The following FAAH2 variants were observed in gnomAD, a reference collection of about 807,000 sequenced individuals.
FAAH2 encodes the protein fatty-acid amide hydrolase 2.
A neutral mutation model predicts 36.9 loss-of-function variants in FAAH2; 60 were observed. That is an observed-to-expected ratio of 1.63 (90% confidence interval 1.32 to 2.02). The LOEUF (loss-of-function observed/expected upper bound fraction) is 2.02. Among genes scored for constraint, FAAH2 ranks in the 30% most tolerant of loss-of-function variants. The pLI is 0.00. For missense variants in FAAH2, 689 were observed against 397.5 expected (o/e 1.73, Z -6.23); for synonymous variants, 214 against 143.8 (o/e 1.49, Z -3.49).
chrX:57,223,135 G>A, the FAAH2 span, among the ~76,000 whole-genome samples: 45 of 112,236 alleles, frequency 4.0e-4, no homozygotes, highest in Middle Eastern at 4.6e-3. Flanking sequence ...TGCCATAAAT[G>A]GCTCTCTCAT....
chrX:57,305,062 TTGTGTG>T (rs60804398), intron 2 of FAAH2, among the ~76,000 whole-genome samples: 1 of 103,781 alleles, frequency 9.6e-6, no homozygotes, highest in Non-Finnish European at 2.0e-5. Context: ...TTCTGTAATT[TTGTGTG>T]TGTGTGTGTG....
At chrX:57,247,896 G>T in the FAAH2 span, among the ~76,000 whole-genome samples, 7 of 112,297 alleles carry the variant, frequency 6.2e-5, no homozygotes, top group South Asian at 7.4e-4. Flanking sequence ...CGAAGATACA[G>T]TCTCTTTTTA....
chrX:57,430,081 A>ACAATGTACATT (rs1165491515), intron 7 of FAAH2, among the ~76,000 whole-genome samples: 2 of 111,802 alleles, frequency 1.8e-5, no homozygotes. Flanking sequence ...CTTAGCGGAT[A>ACAATGTACATT]CAATGTACAT....
chrX:57,487,101 C>G (rs1490757110), intron 10 of FAAH2, among the ~76,000 whole-genome samples: 2 of 110,871 alleles, frequency 1.8e-5, no homozygotes, highest in Non-Finnish European at 3.8e-5. Context: ...AAAGTTGGAG[C>G]CTTTCCACAC....
chrX:57,135,761 T>C, the FAAH2 span: 1 of 1,166,905 alleles, frequency 8.6e-7, no homozygotes, highest in Admixed American at 2.4e-5. Flanking sequence ...GGCAACATTT[T>C]TTGCATGTCT....
chrX:57,133,575 T>G, the FAAH2 span, among the ~76,000 whole-genome samples: 1 of 111,636 alleles, frequency 9.0e-6, no homozygotes, highest in Admixed American at 9.5e-5. Context: ...GCATGTATCC[T>G]TTTTGGAATG....
At chrX:57,139,004 C>T in the FAAH2 span, among the ~76,000 whole-genome samples, 2 of 111,409 alleles carry the variant, frequency 1.8e-5, no homozygotes, top group African/African-American at 6.5e-5. Context: ...CTCTTGTTAC[C>T]TAGGTTGTCT....
intron 8 of FAAH2, among the ~76,000 whole-genome samples, chrX:57,440,167 A>T (rs2056517585): frequency 9.0e-6 from 1 of 111,498 alleles, no homozygotes; most frequent in Non-Finnish European, 1.9e-5. Flanking sequence ...TGGGGATGGC[A>T]TTGAATCTAT....
At chrX:57,357,799 C>T (rs1004873877) in intron 5 of FAAH2, among the ~76,000 whole-genome samples, 6 of 111,235 alleles carry the variant, frequency 5.4e-5, no homozygotes, top group African/African-American at 2.0e-4. Context: ...GGTATAGAAC[C>T]AGAAATACCA....
At chrX:57,217,839 G>A in the FAAH2 span, among the ~76,000 whole-genome samples, 1 of 111,871 alleles carries the variant, frequency 8.9e-6, no homozygotes, top group Non-Finnish European at 1.9e-5. Flanking sequence ...TATTTTGATG[G>A]AGATTGCATT....
At chrX:57,436,331 C>A (rs1408043325) in intron 8 of FAAH2, among the ~76,000 whole-genome samples, 1 of 108,250 alleles carries the variant, frequency 9.2e-6, no homozygotes, top group African/African-American at 3.4e-5. Context: ...ACAAACTAAA[C>A]CGAAAAGTGG....
At chrX:57,354,383 T>G (rs184343437) in intron 5 of FAAH2, among the ~76,000 whole-genome samples, 21 of 110,601 alleles carry the variant, frequency 1.9e-4, no homozygotes, top group African/African-American at 5.6e-4. Context: ...AAACGTTTTT[T>G]ACATGGATGC....
the FAAH2 span, among the ~76,000 whole-genome samples, chrX:57,125,949 G>A: frequency 8.9e-6 from 1 of 111,975 alleles, no homozygotes; most frequent in Non-Finnish European, 1.9e-5. Flanking sequence ...TATTGTATAT[G>A]TTGGGGTATA....
intron 8 of FAAH2, among the ~76,000 whole-genome samples, chrX:57,441,007 T>C (rs1472615520): frequency 2.7e-5 from 3 of 111,766 alleles, no homozygotes; most frequent in African/African-American, 9.7e-5. Context: ...AGTTTGCCAG[T>C]ATTTTATTGA....
At chrX:57,317,510 A>G (rs1412069468) in intron 3 of FAAH2, among the ~76,000 whole-genome samples, 3 of 112,089 alleles carry the variant, frequency 2.7e-5, no homozygotes, top group African/African-American at 9.7e-5. Flanking sequence ...ACCCAGATTC[A>G]TAAAGCAAGT....
chrX:57,394,463 G>T (rs1175906684), intron 7 of FAAH2: 5 of 1,201,489 alleles, frequency 4.2e-6, no homozygotes, highest in Non-Finnish European at 4.5e-6. Context: ...AATGGGCTTC[G>T]GTTTACAAGA....
chrX:57,278,436 A>G, the FAAH2 span, among the ~76,000 whole-genome samples: 1 of 111,742 alleles, frequency 8.9e-6, no homozygotes, highest in Non-Finnish European at 1.9e-5. Context: ...TTCAAGATGG[A>G]TTAAAGATTT....
intron 7 of FAAH2, among the ~76,000 whole-genome samples, chrX:57,385,776 C>T (rs752024587): frequency 1.5e-3 from 165 of 110,597 alleles, no homozygotes; most frequent in Non-Finnish European, 2.6e-3. Context: ...GGCGCGGTGG[C>T]GGGCGCCTGT....
At chrX:57,159,130 G>T in the FAAH2 span, among the ~76,000 whole-genome samples, 2 of 111,995 alleles carry the variant, frequency 1.8e-5, no homozygotes, top group Non-Finnish European at 3.8e-5. Flanking sequence ...TGTCAGGTTT[G>T]TCAAAGATCA....
Sources: gnomAD v4.1 joint callset for allele counts (sites outside exome capture counted in the v4.1 genomes callset) on GRCh38, gnomAD v4.1.1 for gene constraint, MANE v1.5 for transcripts, NCBI Gene and HGNC (gene_info 2026-07-23, HGNC 2026-07-21) for gene names.